LUZP2: variants seen among roughly 807,000 people sequenced by gnomAD.
LUZP2 encodes the protein leucine zipper protein 2.
In LUZP2, 52 loss-of-function variants were observed where a neutral mutation model predicts 51.6. The ratio of observed to expected loss-of-function variants is 1.01; its 90% CI spans 0.81 to 1.27. The LOEUF is 1.27. Ranked by LOEUF, LUZP2 falls within the 50% of genes most tolerant of loss-of-function variation. The probability of loss-of-function intolerance (pLI) is 0.00; values close to 1 mark genes in which losing one functional copy is unlikely to be tolerated. For missense variants in LUZP2, 436 were observed against 395.4 expected, an observed-to-expected ratio of 1.10 and a Z score of -0.87; for synonymous variants, 154 against 137.3, an observed-to-expected ratio of 1.12 and a Z score of -0.85.
intron 10 of LUZP2, among the ~76,000 whole-genome samples, chr11:25,063,548 A>G (rs907101480): frequency 5.3e-5 from 8 of 151,832 alleles, no homozygotes; most frequent in African/African-American, 1.2e-4. Context: ...GATATGTTTT[A>G]TAAGAAAAAT....
At chr11:25,026,831 G>A (rs1857506940) in intron 9 of LUZP2, among the ~76,000 whole-genome samples, 1 of 150,538 alleles carries the variant, frequency 6.6e-6, no homozygotes, top group African/African-American at 2.4e-5. Context: ...AGGATTTGTT[G>A]TACTATTTCA....
At chr11:24,563,913 T>G (rs56736450) in intron 1 of LUZP2, among the ~76,000 whole-genome samples, 6,630 of 152,232 alleles carry the variant, frequency 0.044, 440 homozygotes, top group African/African-American at 0.15. Flanking sequence ...GAGTAATAAT[T>G]AAATGAAATA....
intron 9 of LUZP2, among the ~76,000 whole-genome samples, chr11:24,998,506 T>G (rs1177601633): frequency 1.3e-5 from 2 of 152,226 alleles, no homozygotes; most frequent in Non-Finnish European, 2.9e-5. Context: ...CTTATCAGCT[T>G]AAGGAGATTT....
intron 9 of LUZP2, among the ~76,000 whole-genome samples, chr11:25,047,420 G>T (rs1858348375): frequency 1.1e-5 from 1 of 89,734 alleles, no homozygotes. Flanking sequence ...TATACTCTAA[G>T]AATGGTATTG....
chr11:25,013,890 C>G (rs1017695688), intron 9 of LUZP2, among the ~76,000 whole-genome samples: 4 of 152,004 alleles, frequency 2.6e-5, no homozygotes, highest in Admixed American at 2.6e-4. Context: ...CTAATGCTAT[C>G]CCTCCCCTGT....
At chr11:25,038,390 T>C (rs1266194714) in intron 9 of LUZP2, among the ~76,000 whole-genome samples, 11 of 152,138 alleles carry the variant, frequency 7.2e-5, no homozygotes, top group Non-Finnish European at 1.5e-4. Context: ...ATAGGCACTG[T>C]AAAACAACTA....
At chr11:24,756,964 A>G (rs1034638559) in intron 4 of LUZP2, among the ~76,000 whole-genome samples, 1 of 152,204 alleles carries the variant, frequency 6.6e-6, no homozygotes, top group Non-Finnish European at 1.5e-5. Context: ...TCGAGGAAAC[A>G]TCTACATTTA....
At chr11:25,031,646 A>G (rs987198829) in intron 9 of LUZP2, among the ~76,000 whole-genome samples, 1 of 151,748 alleles carries the variant, frequency 6.6e-6, no homozygotes, top group Non-Finnish European at 1.5e-5. Flanking sequence ...AGCATTTTCT[A>G]ATTTATTTGA....
At chr11:24,564,328 T>C (rs961947712) in intron 1 of LUZP2, among the ~76,000 whole-genome samples, 4 of 152,188 alleles carry the variant, frequency 2.6e-5, no homozygotes, top group African/African-American at 9.6e-5. Flanking sequence ...TTTTAGGATG[T>C]TAGCTCAAAA....
intron 1 of LUZP2, among the ~76,000 whole-genome samples, chr11:24,644,788 T>C (rs1015381384): frequency 2.0e-5 from 3 of 152,178 alleles, no homozygotes; most frequent in African/African-American, 7.2e-5. Flanking sequence ...TTTTTAAAAT[T>C]AGTTTGTCTG....
At chr11:24,859,158 C>T (rs932982198) in intron 5 of LUZP2, among the ~76,000 whole-genome samples, 1 of 151,956 alleles carries the variant, frequency 6.6e-6, no homozygotes, top group Non-Finnish European at 1.5e-5. Flanking sequence ...TAGTATAGTA[C>T]AACAATAGTT....
chr11:24,869,091 G>A (rs1851979614), intron 5 of LUZP2, among the ~76,000 whole-genome samples: 1 of 152,148 alleles, frequency 6.6e-6, no homozygotes, highest in African/African-American at 2.4e-5. Flanking sequence ...TCTTCCTTCA[G>A]GAGTTTTGAG....
intron 5 of LUZP2, among the ~76,000 whole-genome samples, chr11:24,772,621 A>G (rs550061082): frequency 2.6e-5 from 4 of 152,256 alleles, no homozygotes; most frequent in Admixed American, 2.6e-4. Context: ...TAAACTATCC[A>G]TATAAGGTTC....
At chr11:24,857,383 A>G (rs1248469687) in intron 5 of LUZP2, among the ~76,000 whole-genome samples, 1 of 150,320 alleles carries the variant, frequency 6.7e-6, no homozygotes. Flanking sequence ...TACTGAGTAT[A>G]GTGTATGATA....
intron 4 of LUZP2, among the ~76,000 whole-genome samples, chr11:24,739,719 T>C (rs1859065387): frequency 6.6e-6 from 1 of 152,136 alleles, no homozygotes; most frequent in African/African-American, 2.4e-5. Flanking sequence ...GTTTTGCTTC[T>C]GAAACTCAGT....
chr11:25,000,177 C>A (rs1286352863), intron 9 of LUZP2, among the ~76,000 whole-genome samples: 6 of 152,032 alleles, frequency 3.9e-5, no homozygotes, highest in Admixed American at 3.3e-4. Flanking sequence ...GTTTACAAAC[C>A]TTTAGCTAGA....
At chr11:24,872,831 A>G (rs1852123493) in intron 5 of LUZP2, among the ~76,000 whole-genome samples, 2 of 152,154 alleles carry the variant, frequency 1.3e-5, no homozygotes. Flanking sequence ...TACATTACAG[A>G]TGGAGAAACC....
intron 8 of LUZP2, among the ~76,000 whole-genome samples, chr11:24,981,594 T>G (rs986901540): frequency 4.6e-5 from 7 of 151,828 alleles, no homozygotes. Flanking sequence ...CTATTCAAGA[T>G]GGAGTTGCTC....
intron 10 of LUZP2, 28 bp downstream of exon 10, chr11:25,050,158 A>C: frequency 7.3e-7 from 1 of 1,378,876 alleles, no homozygotes; most frequent in African/African-American, 1.5e-5. Context: ...TGCTTTTTAC[A>C]GTATTAGACA....
Sources: allele counts gnomAD v4.1 joint callset (sites outside exome capture counted in the v4.1 genomes callset), GRCh38; gene constraint gnomAD v4.1.1; transcripts MANE v1.5; gene names NCBI Gene and HGNC (gene_info 2026-07-23, HGNC 2026-07-21).